The following PTCHD4 variants were observed in gnomAD, a reference collection of about 807,000 sequenced individuals.
PTCHD4 encodes patched domain-containing protein 4.
In PTCHD4, 33 loss-of-function variants were observed where a neutral mutation model predicts 58.1. That is an observed-to-expected ratio of 0.57 (90% confidence interval 0.43 to 0.76). The LOEUF (loss-of-function observed/expected upper bound fraction) is 0.76, where lower values mean the gene tolerates loss of function less well. Ranked by LOEUF, PTCHD4 falls within the 30% of genes least tolerant of loss-of-function variation. The pLI, the probability that PTCHD4 is intolerant of heterozygous loss-of-function variation, is 0.00. For synonymous variants in PTCHD4, 478 were observed against 409.6 expected (o/e 1.17, Z -2.02); for missense variants, 1,058 against 1,027.1 (o/e 1.03, Z -0.41).
At chr6:48,036,801 TA>T (rs1399604670) in intron 3 of PTCHD4, among the ~76,000 whole-genome samples, 1 of 152,148 alleles carries the variant, frequency 6.6e-6, no homozygotes, top group Admixed American at 6.6e-5. Flanking sequence ...ACCAATTTTC[TA>T]TTCATGAAAT....
In PTCHD4 at chr6:47,879,610, C is replaced by T; in HGVS notation, c.1225G>A (p.Ala409Thr). 1 of 1,613,646 alleles carries T rather than the reference C, an allele frequency of 6.2e-7. No individual in the cohort carries two copies. ...ACAGGTTTGCGATCCAGGTATTCTG[C>T]AGAAGGGATCTTACAGCAAAAGATG... ...HSIFCCKIPS[A>T]EYLDRKPVWF... Residue 409 changes from alanine to threonine, a missense_variant, in exon 5 of 5, where the codon GCA becomes ACA. Transcript: ENST00000339488.
intron 1 of PTCHD4, among the ~76,000 whole-genome samples, chr6:48,090,304 A>T (rs918031255): frequency 6.6e-6 from 1 of 152,314 alleles, no homozygotes; most frequent in East Asian, 1.9e-4. Context: ...TCATTTTTAC[A>T]TGATCATTGG....
Position 47,860,611 on chromosome 6 carries a change from G to A in PTCHD4, c.*17692C>T, listed in dbSNP as rs115875453. On this transcript the variant is annotated 3_prime_UTR_variant, in exon 5 of 5. Transcript: ENST00000339488. ...AGCACTACTGCCCATTCTTCACAATGTCTATCTTCCTTTATGATTTTTTTT... is the reference window on the plus strand; with the variant it reads ...AGCACTACTGCCCATTCTTCACAATATCTATCTTCCTTTATGATTTTTTTT... 0.062 allele frequency among the ~76,000 whole-genome samples: 9,370 copies of A among 151,864 alleles called. 422 individuals carry two copies. The highest frequency in any genetic ancestry group is 0.098 in the Non-Finnish European group (6,662 of 67,870).
chr6:48,071,303 A>G (rs911048317), intron 1 of PTCHD4, among the ~76,000 whole-genome samples: 5 of 152,260 alleles, frequency 3.3e-5, no homozygotes, highest in African/African-American at 1.2e-4. Context: ...TGTATGGTAT[A>G]TACCTGAGAT....
At chr6:47,899,528 T>G in intron 4 of PTCHD4, 5 of 951,850 alleles carry the variant, frequency 5.3e-6, no homozygotes, top group Non-Finnish European at 6.3e-6. Flanking sequence ...GAGCAAGTAT[T>G]TGCTGAAATA....
chr6:47,971,399 G>A (rs562021232), intron 4 of PTCHD4, among the ~76,000 whole-genome samples: 1 of 152,104 alleles, frequency 6.6e-6, no homozygotes, highest in Non-Finnish European at 1.5e-5. Context: ...GGCCCACTGT[G>A]CTGTGTACCC....
intron 4 of PTCHD4, among the ~76,000 whole-genome samples, chr6:47,989,705 G>A (rs917996255): frequency 1.3e-5 from 2 of 152,228 alleles, no homozygotes; most frequent in African/African-American, 4.8e-5. Context: ...GGTTTCGGAA[G>A]ATGTATGGAA....
chr6:47,971,612 G>A (rs147277247), intron 4 of PTCHD4, among the ~76,000 whole-genome samples: 40 of 152,286 alleles, frequency 2.6e-4, no homozygotes, highest in African/African-American at 9.6e-4. Context: ...CTGATGTGCA[G>A]CCAAATTATC....
intron 4 of PTCHD4, among the ~76,000 whole-genome samples, chr6:47,939,168 G>C (rs921704982): frequency 1.3e-5 from 2 of 152,180 alleles, no homozygotes; most frequent in African/African-American, 2.4e-5. Context: ...GGAGGTCCAA[G>C]AACTAAGACA....
At chr6:47,950,448 G>A (rs966683855) in intron 4 of PTCHD4, among the ~76,000 whole-genome samples, 16 of 152,092 alleles carry the variant, frequency 1.1e-4, no homozygotes, top group African/African-American at 3.6e-4. Context: ...CATTTTGAAG[G>A]TAGAGATGAA....
Position 47,865,878 on chromosome 6 carries a change from T to C in PTCHD4, c.*12425A>G, listed in dbSNP as rs564230221. ...TTGCAGGTCCTTATATGAAACTTTCTGGTTTGTACAAATTCAACTCCTGTA... is the reference window on the plus strand; with the variant it reads ...TTGCAGGTCCTTATATGAAACTTTCCGGTTTGTACAAATTCAACTCCTGTA... On this transcript the variant is annotated 3_prime_UTR_variant, in exon 5 of 5. Coordinates refer to ENST00000339488, the MANE Select transcript of PTCHD4 (RefSeq NM_001384253.1). Among the ~76,000 whole-genome samples the C allele has an allele frequency of 6.4e-4, 98 of 152,058 alleles. No individual in the cohort carries two copies. Among genetic ancestry groups the C allele is most frequent in the Non-Finnish European group, 1.0e-3 (71 of 67,902 alleles).
At chr6:47,940,568 A>G (rs1425107700) in intron 4 of PTCHD4, among the ~76,000 whole-genome samples, 1 of 152,202 alleles carries the variant, frequency 6.6e-6, no homozygotes, top group African/African-American at 2.4e-5. Flanking sequence ...ACTGCATCTG[A>G]GCCTAAAATT....
chr6:47,887,449 G>A (rs1478662170), intron 4 of PTCHD4, among the ~76,000 whole-genome samples: 2 of 152,120 alleles, frequency 1.3e-5, no homozygotes, highest in African/African-American at 2.4e-5. Flanking sequence ...CTTGCTGAGT[G>A]TCACCCAGTG....
chr6:48,068,591 A>G lies in PTCHD4; in HGVS notation c.56T>C (p.Val19Ala). The G allele has an allele frequency of 6.5e-7, 1 of 1,534,298 alleles. No individual in the cohort carries two copies. Among genetic ancestry groups the G allele is most frequent in the Non-Finnish European group, 8.7e-7 (1 of 1,145,338 alleles). Residue 19 changes from valine to alanine, a missense_variant, in exon 3 of 5, where the codon GTG (valine) becomes GCG (alanine). Coordinates refer to ENST00000339488, the MANE Select transcript of PTCHD4 (RefSeq NM_001384253.1). The surrounding 1 kb of genome is among the most constrained non-coding windows in gnomAD (Gnocchi z 4.2). Reference protein sequence around the residue: ...SWIWWRMLRQVLRRGLQSFCH... With the variant: ...SWIWWRMLRQALRRGLQSFCH... ...GAACGACTGGAGCCCTCTGCGAAGC[A>G]CCTGCCGCAGCATCCTCCACCAGAT...
At chr6:48,071,527 C>T (rs1764974922) in intron 1 of PTCHD4, among the ~76,000 whole-genome samples, 1 of 152,104 alleles carries the variant, frequency 6.6e-6, no homozygotes. Flanking sequence ...AATGCATTTG[C>T]TAATTTTAGA....
intron 3 of PTCHD4, among the ~76,000 whole-genome samples, chr6:48,055,062 C>T (rs1345214655): frequency 6.6e-6 from 1 of 152,138 alleles, no homozygotes. Context: ...ATAGATTTGT[C>T]TATTTCCTAT....
intron 4 of PTCHD4, among the ~76,000 whole-genome samples, chr6:47,986,079 G>C (rs140703891): frequency 1.3e-5 from 2 of 152,214 alleles, no homozygotes; most frequent in East Asian, 3.9e-4. Flanking sequence ...TCTGTAGACA[G>C]TATGACCCCT....
At position 47,878,493 on chromosome 6, in the gene PTCHD4, A is replaced by G. The variant is rs578130579; in HGVS notation, c.2342T>C (p.Leu781Pro). ...LFVPSNLTFT[L>P]FKCLLLTGGC... is the part of the protein sequence containing the mutation. ...CCCAGTGAGCAGCAAGCATTTGAACAGTGTGAAGGTCAGGTTCGAAGGCAC... is the reference window on the plus strand; with the variant it reads ...CCCAGTGAGCAGCAAGCATTTGAACGGTGTGAAGGTCAGGTTCGAAGGCAC... The change falls in exon 5 of 5, where the codon CTG becomes CCG. Residue 781 changes from leucine (L) to proline (P), a missense_variant. By Grantham distance (98) the Leu-to-Pro change is moderately conservative. Coordinates refer to ENST00000339488, the MANE Select transcript of PTCHD4 (RefSeq NM_001384253.1). 6.2e-7 allele frequency: 1 copy of G among 1,613,522 alleles called. No individual in the cohort carries two copies. The highest frequency in any genetic ancestry group is 1.3e-5 in the African/African-American group (1 of 75,020).
In PTCHD4 at chr6:47,872,335, C is replaced by T. The variant is rs1158622600; in HGVS notation, c.*5968G>A. 6.6e-6 allele frequency among the ~76,000 whole-genome samples: 1 copy of T among 151,702 alleles called. No homozygotes were observed. Among genetic ancestry groups the T allele is most frequent in the East Asian group, 1.9e-4 (1 of 5,134 alleles). On this transcript the variant is annotated 3_prime_UTR_variant, in exon 5 of 5. Transcript: ENST00000339488. ...TTCCAAAGCATTAGAATTTTTTTCC[C>T]CCTCTGGTTTGACAGAGCCTTGTGG... is the stretch of plus-strand genomic sequence containing the variant.
Sources: allele counts gnomAD v4.1 joint callset (sites outside exome capture counted in the v4.1 genomes callset), GRCh38; gene constraint gnomAD v4.1.1; non-coding constraint Gnocchi (gnomAD v3.1); transcripts MANE v1.5; gene names NCBI Gene and HGNC (gene_info 2026-07-23, HGNC 2026-07-21).